RAP1B: variants seen among roughly 807,000 people sequenced by gnomAD.
RAP1B encodes the protein ras-related protein Rap-1b.
Under a neutral mutation model 27.5 loss-of-function variants are expected in RAP1B, and 1 was observed. That is an observed-to-expected ratio of 0.04 (90% CI 0.01 to 0.17). The LOEUF is 0.17. Ranked by LOEUF, RAP1B falls within the 10% of genes least tolerant of loss-of-function variation. The probability of loss-of-function intolerance (pLI) is 1.00; values close to 1 mark genes in which losing one functional copy is unlikely to be tolerated. For synonymous variants in RAP1B, 75 were observed against 73.1 expected, an observed-to-expected ratio of 1.03 and a Z score of -0.13; for missense variants, 84 against 214.8, an observed-to-expected ratio of 0.39 and a Z score of 3.81.
intron 1 of RAP1B, among the ~76,000 whole-genome samples, chr12:68,625,181 T>A (rs1871665083): frequency 6.6e-6 from 1 of 152,246 alleles, no homozygotes; most frequent in Non-Finnish European, 1.5e-5. Flanking sequence ...AAGTGTTTAT[T>A]CATATGTGAA....
intron 7 of RAP1B, among the ~76,000 whole-genome samples, chr12:68,658,359 C>T (rs1409292490): frequency 6.6e-6 from 1 of 152,162 alleles, no homozygotes; most frequent in Non-Finnish European, 1.5e-5. Context: ...TCCATCTGTC[C>T]TTTTTAATTT....
rs577586232 is a variant in RAP1B at position 68,660,836 on chromosome 12, C to T, written c.*1587C>T. The T allele has an allele frequency of 1.8e-4, 28 of 152,142 alleles. No homozygotes were observed. The East Asian group carries it at 4.8e-3, about 26-fold the overall frequency. 9.4% of individuals were successfully genotyped at this position (152,142 alleles called of 1,614,324 possible). On this transcript the variant is annotated 3_prime_UTR_variant, in exon 8 of 8. Coordinates refer to ENST00000250559, the MANE Select transcript of RAP1B (RefSeq NM_001010942.3). ...TTTGATGAGGTAGGTAAAAGAGGAA[C>T]GATTTAACATACTTTCATGGATGTT...
chr12:68,637,599 CAAAAAAAAAAAA>C (rs58656248), intron 1 of RAP1B, among the ~76,000 whole-genome samples: 50 of 34,256 alleles, frequency 1.5e-3, no homozygotes, highest in African/African-American at 4.8e-3. Context: ...AACTCCATCT[CAAAAAAAAAAAA>C]AAAAAAAAAA....
At chr12:68,623,850 T>A (rs1048654543) in intron 1 of RAP1B, among the ~76,000 whole-genome samples, 38 of 152,074 alleles carry the variant, frequency 2.5e-4, no homozygotes, top group Non-Finnish European at 1.8e-4. Context: ...GTGAAACCCA[T>A]CTCTACTAAA....
At chr12:68,634,002 T>A (rs1872454049) in intron 1 of RAP1B, among the ~76,000 whole-genome samples, 3 of 152,190 alleles carry the variant, frequency 2.0e-5, no homozygotes, top group Non-Finnish European at 1.5e-5. Context: ...TATAAGGTAG[T>A]GGAGTAGAGA....
intron 1 of RAP1B, among the ~76,000 whole-genome samples, chr12:68,613,829 A>G (rs909434924): frequency 5.9e-4 from 90 of 152,372 alleles, no homozygotes; most frequent in African/African-American, 2.0e-3. Flanking sequence ...CTTTAAAAAG[A>G]AACATTTACA....
At chr12:68,627,251 C>G (rs906340214) in intron 1 of RAP1B, 1 of 1,160,012 alleles carries the variant, frequency 8.6e-7, no homozygotes, top group East Asian at 2.3e-5. Flanking sequence ...TCCAGGGTCC[C>G]TTAGAGCAAC....
chr12:68,630,430 A>C (rs561626710), intron 1 of RAP1B, among the ~76,000 whole-genome samples: 4 of 152,186 alleles, frequency 2.6e-5, no homozygotes, highest in Non-Finnish European at 5.9e-5. Flanking sequence ...ACAAAAACAA[A>C]AAAACAGGGA....
chr12:68,625,081 C>T (rs1010444190), intron 1 of RAP1B, among the ~76,000 whole-genome samples: 3 of 152,018 alleles, frequency 2.0e-5, no homozygotes, highest in Non-Finnish European at 2.9e-5. Flanking sequence ...TTTTGGATAC[C>T]GTCTTATCAC....
chr12:68,627,076 G>T, intron 1 of RAP1B: 7 of 1,593,406 alleles, frequency 4.4e-6, no homozygotes, highest in Non-Finnish European at 6.0e-6. Flanking sequence ...TCAATCACAT[G>T]CTCCTTGTTC....
Position 68,615,767 on chromosome 12 carries a change from A to G in RAP1B, c.-27+4724A>G, listed in dbSNP as rs182385922. ...ACTTTTACTTTATGTTTTTGTAGTT[A>G]TACATGTGTATATATATACACATAC... On this transcript the variant is annotated intron_variant, in intron 1 of 7. Transcript: ENST00000250559. 4.0e-4 allele frequency among the ~76,000 whole-genome samples: 61 copies of G among 152,206 alleles called. No homozygotes were observed. In the East Asian group the frequency reaches 8.7e-3, roughly 22 times the overall value.
At chr12:68,632,780 A>G (rs577152524) in intron 1 of RAP1B, among the ~76,000 whole-genome samples, 2 of 152,282 alleles carry the variant, frequency 1.3e-5, no homozygotes, top group Non-Finnish European at 2.9e-5. Context: ...CCTTTTTACA[A>G]AAGGCTTCAG....
chr12:68,617,756 AT>A (rs1483550323), intron 1 of RAP1B, among the ~76,000 whole-genome samples: 4 of 151,822 alleles, frequency 2.6e-5, no homozygotes, highest in African/African-American at 9.7e-5. Flanking sequence ...AAACCATAAA[AT>A]AATACAGTAA....
intron 1 of RAP1B, among the ~76,000 whole-genome samples, chr12:68,620,851 G>C (rs938296619): frequency 4.6e-5 from 7 of 152,136 alleles, no homozygotes; most frequent in African/African-American, 1.7e-4. Context: ...GTCCTCCAAA[G>C]TGCTGGGATT....
At position 68,667,811 on chromosome 12, in the gene RAP1B, A is replaced by G. The variant is rs1346253125; in HGVS notation, c.*8562A>G. 1 of 152,212 alleles carries G rather than the reference A, an allele frequency of 6.6e-6. No homozygotes were observed. The highest frequency in any genetic ancestry group is 6.5e-5 in the Admixed American group (1 of 15,274). The allele number at this position is 152,212 out of a possible 1,614,324, so 9.4% of individuals were successfully genotyped here. ...CATACAGGATTTCAACGGGAGATTT[A>G]TAAGTCTATTTTGTTAGAATAAAAA... On this transcript the variant is annotated 3_prime_UTR_variant, in exon 8 of 8. Coordinates refer to ENST00000250559, the MANE Select transcript of RAP1B (RefSeq NM_001010942.3).
At chr12:68,642,628 G>T in intron 1 of RAP1B, 1 of 1,041,584 alleles carries the variant, frequency 9.6e-7, no homozygotes, top group Non-Finnish European at 1.5e-6. Flanking sequence ...ATGGAATTAA[G>T]TTCTTCATCT....
chr12:68,641,963 G>A (rs780045456), intron 1 of RAP1B, among the ~76,000 whole-genome samples: 2 of 152,196 alleles, frequency 1.3e-5, no homozygotes, highest in Non-Finnish European at 2.9e-5. Context: ...CCTACATGAT[G>A]TAGAAATTGC....
At position 68,662,011 on chromosome 12, in the gene RAP1B, T is replaced by TAC. The variant is rs1415578465; in HGVS notation, c.*2763_*2764insCA. 1 of 57,366 alleles carries TAC rather than the reference T, an allele frequency of 1.7e-5. No homozygotes were observed. The highest frequency in any genetic ancestry group is 4.8e-5 in the Non-Finnish European group (1 of 20,822). The allele number at this position is 57,366 out of a possible 1,614,324, so 3.6% of individuals were successfully genotyped here. On this transcript the variant is annotated 3_prime_UTR_variant, in exon 8 of 8. Transcript: ENST00000250559. ...ATGCCAGTGCTATCCTCTAGGTCTA[T>TAC]ATATATATATATATATATATATTAT...
At chr12:68,634,867 A>G (rs1445241234) in intron 1 of RAP1B, among the ~76,000 whole-genome samples, 1 of 152,222 alleles carries the variant, frequency 6.6e-6, no homozygotes, top group African/African-American at 2.4e-5. Flanking sequence ...TGGTGTGATT[A>G]ATTGAAAAAA....
Sources: allele counts gnomAD v4.1 joint callset (sites outside exome capture counted in the v4.1 genomes callset), GRCh38; gene constraint gnomAD v4.1.1; transcripts MANE v1.5; gene names NCBI Gene and HGNC (gene_info 2026-07-23, HGNC 2026-07-21).